ADORA2B: variants seen among roughly 807,000 people sequenced by gnomAD.
The protein encoded by ADORA2B is adenosine receptor A2b.
Under a neutral mutation model 20.8 loss-of-function variants are expected in ADORA2B, and 18 were observed. The observed-to-expected ratio is 0.87, with a 90% CI of 0.60 to 1.29. ADORA2B has a LOEUF of 1.29. Ranked by LOEUF, ADORA2B falls within the 50% of genes most tolerant of loss-of-function variation. ADORA2B has a pLI of 0.00. For missense variants in ADORA2B, 441 were observed against 422.7 expected (o/e 1.04, Z -0.38); for synonymous variants, 179 against 178.3 (o/e 1.00, Z -0.03).
chr17:15,909,573 G>A, the ADORA2B span, among the ~76,000 whole-genome samples: 1 of 71,250 alleles, frequency 1.4e-5, no homozygotes, highest in Non-Finnish European at 2.8e-5. Context: ...CACGGTCCTC[G>A]TCTTTGACCT....
chr17:15,858,771 G>T, the ADORA2B span: 1 of 163,240 alleles, frequency 6.1e-6, no homozygotes, highest in Non-Finnish European at 1.4e-5. Context: ...CAGTCGGCCA[G>T]CAAAGGGATG....
At chr17:15,946,661 A>T (rs1969810572) in intron 1 of ADORA2B, among the ~76,000 whole-genome samples, 1 of 152,190 alleles carries the variant, frequency 6.6e-6, no homozygotes, top group African/African-American at 2.4e-5. Flanking sequence ...TTGCAGTAGT[A>T]CCAGAGGACG....
At chr17:15,893,468 C>CCCTTCCTT in the ADORA2B span, among the ~76,000 whole-genome samples, 5 of 148,864 alleles carry the variant, frequency 3.4e-5, no homozygotes, top group African/African-American at 7.6e-5. Context: ...AGATAATCAG[C>CCCTTCCTT]CCTTCCTTCC....
chr17:15,952,304 A>G (rs1466566922), intron 1 of ADORA2B, among the ~76,000 whole-genome samples: 1 of 152,028 alleles, frequency 6.6e-6, no homozygotes, highest in African/African-American at 2.4e-5. Context: ...AATGGCAGCC[A>G]TTGTTCCCAA....
chr17:15,950,734 C>T (rs1969889448), intron 1 of ADORA2B, among the ~76,000 whole-genome samples: 1 of 152,182 alleles, frequency 6.6e-6, no homozygotes, highest in South Asian at 2.1e-4. Flanking sequence ...AGAGTGAAAT[C>T]CCTATGCCCT....
intron 1 of ADORA2B, among the ~76,000 whole-genome samples, chr17:15,963,428 C>T (rs545692545): frequency 1.3e-5 from 2 of 152,258 alleles, no homozygotes; most frequent in African/African-American, 4.8e-5. Context: ...GTGTTTATGG[C>T]GGCTGATGCT....
chr17:15,926,943 C>T, the ADORA2B span, among the ~76,000 whole-genome samples: 1 of 151,980 alleles, frequency 6.6e-6, no homozygotes, highest in Admixed American at 6.6e-5. Context: ...TGCATTCCAG[C>T]CTCGGCAGCA....
the ADORA2B span, among the ~76,000 whole-genome samples, chr17:15,902,851 G>T: frequency 6.6e-6 from 1 of 152,178 alleles, no homozygotes; most frequent in Non-Finnish European, 1.5e-5. Flanking sequence ...CATTCTCCTT[G>T]TCAGATGAAC....
At chr17:15,916,384 A>G in the ADORA2B span, among the ~76,000 whole-genome samples, 1 of 152,198 alleles carries the variant, frequency 6.6e-6, no homozygotes, top group African/African-American at 2.4e-5. Context: ...TAAAGAAGGA[A>G]GGGCTTTATT....
At chr17:15,890,672 T>A in the ADORA2B span, among the ~76,000 whole-genome samples, 2 of 152,252 alleles carry the variant, frequency 1.3e-5, no homozygotes, top group East Asian at 3.9e-4. Context: ...ACTCCTGCAG[T>A]GATGGCCAGC....
the ADORA2B span, among the ~76,000 whole-genome samples, chr17:15,894,623 A>T: frequency 3.9e-5 from 6 of 152,216 alleles, no homozygotes; most frequent in Non-Finnish European, 8.8e-5. Context: ...AGATGGAAAG[A>T]CATAGAAAGA....
At chr17:15,958,952 T>C (rs775813680) in intron 1 of ADORA2B, among the ~76,000 whole-genome samples, 37 of 152,214 alleles carry the variant, frequency 2.4e-4, no homozygotes, top group Admixed American at 5.2e-4. Flanking sequence ...TTGTGACATA[T>C]TAAGAGTCGG....
At chr17:15,966,261 A>G (rs1162465277) in intron 1 of ADORA2B, among the ~76,000 whole-genome samples, 1 of 152,202 alleles carries the variant, frequency 6.6e-6, no homozygotes, top group African/African-American at 2.4e-5. Context: ...TTACTTAGCA[A>G]TCTGCATTTC....
intron 1 of ADORA2B, among the ~76,000 whole-genome samples, chr17:15,963,874 C>A (rs1337056209): frequency 6.6e-6 from 1 of 152,240 alleles, no homozygotes; most frequent in East Asian, 1.9e-4. Flanking sequence ...TCTCTCCCAG[C>A]CACCTTCACA....
chr17:15,962,757 A>G (rs555901811), intron 1 of ADORA2B, among the ~76,000 whole-genome samples: 19 of 152,248 alleles, frequency 1.2e-4, no homozygotes, highest in South Asian at 2.1e-4. Context: ...ACCTCAGGCA[A>G]TTCACCCGCC....
chr17:15,919,903 G>A, the ADORA2B span, among the ~76,000 whole-genome samples: 1 of 152,180 alleles, frequency 6.6e-6, no homozygotes, highest in East Asian at 1.9e-4. Flanking sequence ...TTGGGTGAAT[G>A]TGTCTAGACA....
chr17:15,905,979 T>C, the ADORA2B span, among the ~76,000 whole-genome samples: 2 of 152,230 alleles, frequency 1.3e-5, no homozygotes, highest in South Asian at 2.1e-4. Context: ...ATACCGACTT[T>C]GTATTCTAAG....
chr17:15,943,578 C>T (rs1034274052), upstream of ADORA2B, among the ~76,000 whole-genome samples: 1 of 152,228 alleles, frequency 6.6e-6, no homozygotes, highest in African/African-American at 2.4e-5. Flanking sequence ...AATGTTCCTC[C>T]TGTCTTGGCC....
the ADORA2B span, among the ~76,000 whole-genome samples, chr17:15,863,576 GCTCCTGGGCTCAGGTAATC>G: frequency 2.6e-5 from 4 of 152,020 alleles, no homozygotes; most frequent in Non-Finnish European, 5.9e-5. Flanking sequence ...CTGGTTTCAA[GCTCCTGGGCTCAGGTAATC>G]CTCCTGCCTC....
Sources: allele counts gnomAD v4.1 joint callset (sites outside exome capture counted in the v4.1 genomes callset), GRCh38; gene constraint gnomAD v4.1.1; transcripts MANE v1.5; gene names NCBI Gene and HGNC (gene_info 2026-07-23, HGNC 2026-07-21).